Variants in SHISAL1 observed in about 807,000 individuals in gnomAD.
The protein encoded by SHISAL1 is shisa like 1.
SHISAL1 carries 9 observed loss-of-function variants against 22.6 expected under a neutral mutation model. The ratio of observed to expected loss-of-function variants is 0.40; its 90% confidence interval spans 0.24 to 0.70. The LOEUF (loss-of-function observed/expected upper bound fraction) is 0.70. Among genes scored for constraint, SHISAL1 ranks in the 30% least tolerant of loss-of-function variants. The probability of loss-of-function intolerance (pLI) is 0.39; values close to 1 mark genes in which losing one functional copy is unlikely to be tolerated. For missense variants in SHISAL1, 246 were observed against 270.6 expected (o/e 0.91, Z 0.64); for synonymous variants, 119 against 115.4 (o/e 1.03, Z -0.20).
chr22:44,330,562 C>T, the SHISAL1 span, among the ~76,000 whole-genome samples: 1 of 152,178 alleles, frequency 6.6e-6, no homozygotes, highest in African/African-American at 2.4e-5. Flanking sequence ...GTGGGGGAGA[C>T]CCTAGGGGGC....
At chr22:44,257,578 T>A (rs1048368838) in intron 4 of SHISAL1, among the ~76,000 whole-genome samples, 1 of 152,218 alleles carries the variant, frequency 6.6e-6, no homozygotes, top group African/African-American at 2.4e-5. Flanking sequence ...AACCTAAAAC[T>A]GCTTTAAAAA....
intron 3 of SHISAL1, among the ~76,000 whole-genome samples, chr22:44,291,932 C>T (rs994575247): frequency 4.6e-5 from 7 of 152,178 alleles, no homozygotes; most frequent in South Asian, 2.1e-4. Context: ...CTTCTCACCA[C>T]GTCAGGGCCC....
chr22:44,325,954 A>G, the SHISAL1 span, among the ~76,000 whole-genome samples: 2 of 151,838 alleles, frequency 1.3e-5, no homozygotes, highest in Non-Finnish European at 2.9e-5. Flanking sequence ...GACCCCTCTC[A>G]GGGGCTTTTC....
At position 44,268,292 on chromosome 22, in the gene SHISAL1, C is replaced by T. The variant is rs558362881; in HGVS notation, c.599+17136G>A. On this transcript the variant is annotated intron_variant, in intron 4 of 4. Transcript: ENST00000381176. The stretch of plus-strand genomic sequence containing the variant: ...TCTGTCCATAACTCCTCCTGCCTCC[C>T]GCTCTACGAAAATAAAGACTCTTTC... 7.7e-4 allele frequency among the ~76,000 whole-genome samples: 118 copies of T among 152,272 alleles called. 1 individual carries two copies. Among genetic ancestry groups the T allele is most frequent in the African/African-American group, 2.5e-3 (106 of 41,582 alleles).
In SHISAL1 at chr22:44,245,046, G is replaced by A. The variant is rs1025121503; in HGVS notation, c.*4639C>T. On this transcript the variant is annotated 3_prime_UTR_variant, in exon 5 of 5. Coordinates refer to ENST00000381176, the MANE Select transcript of SHISAL1 (RefSeq NM_001099294.2). ...GCCCCAGCCCAGTGAGGTATTCCTG[G>A]ACTGCAAAGGGCAGTGATCAGGGCG... The A allele has an allele frequency of 2.0e-5, 3 of 152,300 alleles. No homozygotes were observed. The highest frequency in any genetic ancestry group is 4.8e-5 in the African/African-American group (2 of 41,458). 9.4% of individuals were successfully genotyped at this position (152,300 alleles called of 1,614,324 possible).
chr22:44,292,079 A>G (rs956375802), intron 3 of SHISAL1, among the ~76,000 whole-genome samples: 5 of 152,108 alleles, frequency 3.3e-5, no homozygotes, highest in Non-Finnish European at 7.3e-5. Flanking sequence ...AAAACAAACC[A>G]TTCTGTTCCT....
intron 4 of SHISAL1, among the ~76,000 whole-genome samples, chr22:44,276,885 G>T (rs1379576542): frequency 6.6e-6 from 1 of 152,120 alleles, no homozygotes; most frequent in African/African-American, 2.4e-5. Context: ...CTAAGATCAG[G>T]CAGATGATGA....
At chr22:44,290,299 G>T (rs1356571530) in intron 3 of SHISAL1, among the ~76,000 whole-genome samples, 1 of 152,202 alleles carries the variant, frequency 6.6e-6, no homozygotes, top group Admixed American at 6.5e-5. Context: ...GGAGGCCGAA[G>T]TGGGTGGATC....
At chr22:44,266,053 G>A (rs1051647567) in intron 4 of SHISAL1, among the ~76,000 whole-genome samples, 1 of 152,014 alleles carries the variant, frequency 6.6e-6, no homozygotes, top group Non-Finnish European at 1.5e-5. Flanking sequence ...GCAAGTGAGG[G>A]CTCAGACCCA....
chr22:44,296,929 C>T, intron 2 of SHISAL1, 44 bp from the exon 3 acceptor site: 1 of 1,496,660 alleles, frequency 6.7e-7, no homozygotes, highest in Non-Finnish European at 9.3e-7. Flanking sequence ...CCTCACCAGT[C>T]CACGGGTGCC....
At chr22:44,301,170 C>T (rs1404685273) in intron 1 of SHISAL1, among the ~76,000 whole-genome samples, 193 bp from the exon 2 acceptor site, 1 of 152,236 alleles carries the variant, frequency 6.6e-6, no homozygotes, top group African/African-American at 2.4e-5. Flanking sequence ...CCCCCACAAG[C>T]CAACTGTCAC....
chr22:44,283,601 G>T (rs145188152), intron 4 of SHISAL1, among the ~76,000 whole-genome samples: 2 of 152,220 alleles, frequency 1.3e-5, no homozygotes, highest in African/African-American at 4.8e-5. Flanking sequence ...CAGCACCCAG[G>T]TGCTGAGTGC....
At chr22:44,311,703 C>T (rs1271672817) in intron 1 of SHISAL1, among the ~76,000 whole-genome samples, 1 of 152,222 alleles carries the variant, frequency 6.6e-6, no homozygotes, top group Non-Finnish European at 1.5e-5. Context: ...GAAACCCCAA[C>T]CCTGCTGAAG....
chr22:44,261,311 C>T (rs1181324451), intron 4 of SHISAL1, among the ~76,000 whole-genome samples: 1 of 151,934 alleles, frequency 6.6e-6, no homozygotes, highest in Non-Finnish European at 1.5e-5. Flanking sequence ...CTTCACACTA[C>T]TGGGAATACC....
At chr22:44,253,506 G>A (rs375968375) in intron 4 of SHISAL1, among the ~76,000 whole-genome samples, 2 of 145,488 alleles carry the variant, frequency 1.4e-5, no homozygotes, top group East Asian at 4.0e-4. Context: ...TCAGCTCACT[G>A]CAACCTCCAT....
chr22:44,306,679 GGT>G (rs2055478942), intron 1 of SHISAL1, among the ~76,000 whole-genome samples: 2 of 133,196 alleles, frequency 1.5e-5, no homozygotes, highest in Admixed American at 1.5e-4. Context: ...TGATGACGAT[GGT>G]GTGTGTGGAA....
chr22:44,321,359 T>C, the SHISAL1 span, among the ~76,000 whole-genome samples: 23,753 of 152,154 alleles, frequency 0.16, 2,691 homozygotes, highest in African/African-American at 0.32. Flanking sequence ...TCTAGATGCA[T>C]GGTTCCCTCT....
intron 3 of SHISAL1, among the ~76,000 whole-genome samples, chr22:44,292,437 G>C (rs1403484599): frequency 2.6e-5 from 4 of 152,138 alleles, no homozygotes; most frequent in Admixed American, 2.0e-4. Context: ...CTCAGATCTT[G>C]ACACCAGTTG....
chr22:44,296,486 G>A (rs1413019674), intron 3 of SHISAL1, among the ~76,000 whole-genome samples, 186 bp downstream of exon 3: 1 of 152,222 alleles, frequency 6.6e-6, no homozygotes, highest in African/African-American at 2.4e-5. Flanking sequence ...AGATGAGAAA[G>A]CTGAAACTTA....
Sources: allele counts gnomAD v4.1 joint callset (sites outside exome capture counted in the v4.1 genomes callset), GRCh38; gene constraint gnomAD v4.1.1; transcripts MANE v1.5; gene names NCBI Gene and HGNC (gene_info 2026-07-23, HGNC 2026-07-21).